The following SLC1A1 variants were observed in gnomAD, a reference collection of about 807,000 sequenced individuals.
SLC1A1 encodes the protein solute carrier family 1 member 1.
A neutral mutation model predicts 53.3 loss-of-function variants in SLC1A1; 43 were observed. The ratio of observed to expected loss-of-function variants is 0.81; its 90% CI spans 0.63 to 1.04. The LOEUF is 1.04. SLC1A1 is among the 50% of genes least tolerant of loss of function. The probability of loss-of-function intolerance (pLI) is 0.00; values close to 1 mark genes in which losing one functional copy is unlikely to be tolerated. For missense variants in SLC1A1, 748 were observed against 664.9 expected, an observed-to-expected ratio of 1.12 and a Z score of -1.37; for synonymous variants, 307 against 243.2, an observed-to-expected ratio of 1.26 and a Z score of -2.44.
intron 10 of SLC1A1, 129 bp from the exon 11 acceptor site, chr9:4,582,909 T>G: frequency 8.1e-7 from 1 of 1,227,582 alleles, no homozygotes; most frequent in Non-Finnish European, 1.2e-6. Context: ...AAGTCACAGA[T>G]TCTAACTACC....
chr9:4,541,082 G>A (rs1816964639), intron 1 of SLC1A1, among the ~76,000 whole-genome samples: 1 of 152,202 alleles, frequency 6.6e-6, no homozygotes, highest in Non-Finnish European at 1.5e-5. Flanking sequence ...TGTGTCCATT[G>A]CTGGGGCTTT....
chr9:4,537,850 C>T (rs1228734755), intron 1 of SLC1A1, among the ~76,000 whole-genome samples: 1 of 151,888 alleles, frequency 6.6e-6, no homozygotes, highest in African/African-American at 2.4e-5. Flanking sequence ...ACATTGGTGA[C>T]AGTTGTACAA....
intron 1 of SLC1A1, among the ~76,000 whole-genome samples, chr9:4,518,491 C>T (rs762991560): frequency 1.5e-4 from 23 of 152,026 alleles, no homozygotes; most frequent in Non-Finnish European, 2.8e-4. Flanking sequence ...TTTAGCTTCC[C>T]TAATAGCTGG....
At chr9:4,548,162 C>G (rs1204562005) in intron 2 of SLC1A1, among the ~76,000 whole-genome samples, 2 of 152,084 alleles carry the variant, frequency 1.3e-5, no homozygotes, top group Admixed American at 1.3e-4. Context: ...GCTTCTCTGC[C>G]TCATCTCTGC....
intron 3 of SLC1A1, among the ~76,000 whole-genome samples, chr9:4,562,172 A>G (rs1294364885): frequency 6.6e-6 from 1 of 151,122 alleles, no homozygotes; most frequent in African/African-American, 2.4e-5. Flanking sequence ...CCTGGGTTCA[A>G]ATGATTCTCC....
intron 2 of SLC1A1, among the ~76,000 whole-genome samples, chr9:4,545,320 C>T (rs1197261206): frequency 6.6e-6 from 1 of 152,010 alleles, no homozygotes; most frequent in East Asian, 1.9e-4. Flanking sequence ...ACAGCTCTGT[C>T]CACCACTGCT....
At chr9:4,503,702 T>C (rs770471470) in intron 1 of SLC1A1, among the ~76,000 whole-genome samples, 12 of 152,088 alleles carry the variant, frequency 7.9e-5, no homozygotes, top group Admixed American at 2.6e-4. Context: ...ATATATGTGT[T>C]GCTGTGCTTT....
chr9:4,511,458 T>C (rs1420711708), intron 1 of SLC1A1, among the ~76,000 whole-genome samples: 1 of 151,984 alleles, frequency 6.6e-6, no homozygotes, highest in Non-Finnish European at 1.5e-5. Context: ...CACCATCACA[T>C]TGATGATTAG....
chr9:4,584,897 C>T (rs1206086775), intron 11 of SLC1A1, among the ~76,000 whole-genome samples: 1 of 152,222 alleles, frequency 6.6e-6, no homozygotes, highest in Non-Finnish European at 1.5e-5. Flanking sequence ...ATGGTACATA[C>T]TCCACCCACA....
chr9:4,572,810 A>T (rs749024471), intron 7 of SLC1A1, among the ~76,000 whole-genome samples: 1 of 152,164 alleles, frequency 6.6e-6, no homozygotes, highest in East Asian at 1.9e-4. Context: ...CATCCTCCCA[A>T]AATGCTGGAA....
At chr9:4,512,865 A>G (rs1821043156) in intron 1 of SLC1A1, among the ~76,000 whole-genome samples, 1 of 152,152 alleles carries the variant, frequency 6.6e-6, no homozygotes, top group East Asian at 1.9e-4. Context: ...CCTGGGCTCA[A>G]GAAGTCCTCC....
At chr9:4,552,323 G>C (rs1413273028) in intron 2 of SLC1A1, among the ~76,000 whole-genome samples, 2 of 152,198 alleles carry the variant, frequency 1.3e-5, no homozygotes, top group African/African-American at 4.8e-5. Flanking sequence ...AATGAGGTCA[G>C]TGCAGGGGAC....
chr9:4,498,943 A>C (rs888892472), intron 1 of SLC1A1, among the ~76,000 whole-genome samples: 2 of 146,754 alleles, frequency 1.4e-5, no homozygotes, highest in African/African-American at 5.0e-5. Flanking sequence ...TATTATATAC[A>C]TAATATATAC....
Position 4,519,531 on chromosome 9 carries a change from GCTCT to G in SLC1A1, c.92-25031_92-25028del, listed in dbSNP as rs1010403048. On this transcript the variant is annotated intron_variant, in intron 1 of 11. Transcript: ENST00000262352. Reference sequence around the variant, plus strand: ...ACCAGGCAATAATTTTGAAAGCTCTGCTCTCTCTACTTGTGATATTATTATCTGT... The same window carrying G: ...ACCAGGCAATAATTTTGAAAGCTCTGCTCTACTTGTGATATTATTATCTGT... Among the ~76,000 whole-genome samples, 52 of 152,278 alleles carry G rather than the reference GCTCT, an allele frequency of 3.4e-4. 1 individual carries two copies. The highest frequency in any genetic ancestry group is 2.9e-3 in the Admixed American group (45 of 15,298).
chr9:4,508,607 T>C (rs1214998946), intron 1 of SLC1A1, among the ~76,000 whole-genome samples: 2 of 152,198 alleles, frequency 1.3e-5, no homozygotes, highest in Admixed American at 6.5e-5. Flanking sequence ...CAGGAGTTAC[T>C]GGAGAGACTG....
intron 5 of SLC1A1, among the ~76,000 whole-genome samples, chr9:4,566,937 C>T (rs914898908): frequency 1.3e-5 from 2 of 152,206 alleles, no homozygotes; most frequent in African/African-American, 4.8e-5. Context: ...AAAATGGCAA[C>T]TCTGTTGCTC....
rs1423949414 is a variant in SLC1A1 at position 4,583,882 on chromosome 9, T to TCTCTCTCTCTCTCA, written c.1328+711_1328+712insTCTCTCTCTCTCAC. Among the ~76,000 whole-genome samples the TCTCTCTCTCTCTCA allele has an allele frequency of 5.8e-5, 8 of 137,046 alleles. No individual in the cohort carries two copies. Among genetic ancestry groups the TCTCTCTCTCTCTCA allele is most frequent in the Admixed American group, 2.2e-4 (3 of 13,924 alleles). 89.9% of individuals were successfully genotyped at this position (137,046 alleles called of 152,430 possible). ...CTCTCTCTCTCTCTCTCTCTCTCTC[T>TCTCTCTCTCTCTCA]CACACACACACACACACACACACAC... On this transcript the variant is annotated intron_variant, in intron 11 of 11. Transcript: ENST00000262352. The surrounding 1 kb of genome is among the most constrained non-coding windows in gnomAD (Gnocchi z 4.6).
Position 4,549,281 on chromosome 9 carries a change from G to A in SLC1A1, c.232+4574G>A, listed in dbSNP as rs1278632388. Among the ~76,000 whole-genome samples, 2 of 151,996 alleles carry A rather than the reference G, an allele frequency of 1.3e-5. No homozygotes were observed. The highest frequency in any genetic ancestry group is 3.9e-4 in the East Asian group (2 of 5,194). On this transcript the variant is annotated intron_variant, in intron 2 of 11. Transcript: ENST00000262352. The surrounding 1 kb of genome is among the most constrained non-coding windows in gnomAD (Gnocchi z 4.1). ...GAAGCACTCCAGTGGGCACAGCTGC[G>A]CCTCCTGGTGTCTGCTGTGGCTGCC...
At position 4,585,482 on chromosome 9, in the gene SLC1A1, A is replaced by G. The variant is rs1821508586; in HGVS notation, c.1499A>G (p.Lys500Arg). Reference protein sequence around the residue: ...TILDNEDSDTKKSYVNGGFAV... With the variant: ...TILDNEDSDTRKSYVNGGFAV... Reference sequence around the variant, plus strand: ...CTTGACAACGAAGACTCAGACACCAAGAAGTCTTATGTCAATGGAGGCTTT... The same window carrying G: ...CTTGACAACGAAGACTCAGACACCAGGAAGTCTTATGTCAATGGAGGCTTT... Residue 500 changes from lysine (K) to arginine (R), a missense_variant, in exon 12 of 12, where the codon AAG becomes AGG. By Grantham distance (26) the Lys-to-Arg change is conservative. Coordinates refer to ENST00000262352, the MANE Select transcript of SLC1A1 (RefSeq NM_004170.6). The G allele has an allele frequency of 1.9e-6, 3 of 1,614,232 alleles. No homozygotes were observed. Among genetic ancestry groups the G allele is most frequent in the Non-Finnish European group, 2.5e-6 (3 of 1,180,008 alleles).
Sources: allele counts gnomAD v4.1 joint callset (sites outside exome capture counted in the v4.1 genomes callset), GRCh38; gene constraint gnomAD v4.1.1; non-coding constraint Gnocchi (gnomAD v3.1); transcripts MANE v1.5; gene names NCBI Gene and HGNC (gene_info 2026-07-23, HGNC 2026-07-21).